RALGAPA1: variants seen among roughly 807,000 people sequenced by gnomAD.
RALGAPA1 encodes the protein Ral GTPase activating protein catalytic subunit alpha 1.
A neutral mutation model predicts 269.6 loss-of-function variants in RALGAPA1; 52 were observed. The ratio of observed to expected loss-of-function variants is 0.19; its 90% CI spans 0.15 to 0.24. The LOEUF (loss-of-function observed/expected upper bound fraction) is 0.24, where lower values mean the gene tolerates loss of function less well. Among genes scored for constraint, RALGAPA1 ranks in the 10% least tolerant of loss-of-function variants. The probability of loss-of-function intolerance (pLI) is 1.00; values close to 1 mark genes in which losing one functional copy is unlikely to be tolerated. For missense variants in RALGAPA1, 1,917 were observed against 3,013.9 expected, an observed-to-expected ratio of 0.64 and a Z score of 8.52; for synonymous variants, 817 against 1,008.3, an observed-to-expected ratio of 0.81 and a Z score of 3.60.
chr14:35,770,527 T>C (rs545545848), intron 4 of RALGAPA1, among the ~76,000 whole-genome samples: 1 of 151,884 alleles, frequency 6.6e-6, no homozygotes, highest in African/African-American at 2.4e-5. Flanking sequence ...CAAAGGAATA[T>C]ACAATAAAAC....
intron 37 of RALGAPA1, among the ~76,000 whole-genome samples, chr14:35,575,677 CT>C (rs1437808097): frequency 2.6e-5 from 4 of 152,178 alleles, no homozygotes; most frequent in Non-Finnish European, 5.9e-5. Flanking sequence ...TCACTGCAAC[CT>C]CCGCCTCCCA....
At chr14:35,749,039 C>T (rs539790068) in intron 9 of RALGAPA1, among the ~76,000 whole-genome samples, 6 of 152,118 alleles carry the variant, frequency 3.9e-5, no homozygotes, top group African/African-American at 1.2e-4. Flanking sequence ...ACAGATACTC[C>T]AAAATGTGTG....
intron 37 of RALGAPA1, among the ~76,000 whole-genome samples, chr14:35,578,879 G>A (rs1358297526): frequency 6.6e-6 from 1 of 152,190 alleles, no homozygotes; most frequent in Admixed American, 6.5e-5. Flanking sequence ...TGGAGATACA[G>A]CAGTAAGCAA....
At chr14:35,598,969 A>T (rs1013810352) in intron 36 of RALGAPA1, among the ~76,000 whole-genome samples, 1 of 151,928 alleles carries the variant, frequency 6.6e-6, no homozygotes, top group Non-Finnish European at 1.5e-5. Context: ...TTTAACTATC[A>T]TTCTTTTGAG....
At chr14:35,644,887 A>G (rs1274706656) in intron 31 of RALGAPA1, among the ~76,000 whole-genome samples, 1 of 152,234 alleles carries the variant, frequency 6.6e-6, no homozygotes, top group African/African-American at 2.4e-5. Flanking sequence ...CACATTCTGC[A>G]CATGTATCCT....
chr14:35,769,049 T>TATAC (rs1390655018), intron 4 of RALGAPA1, among the ~76,000 whole-genome samples: 2 of 106,358 alleles, frequency 1.9e-5, no homozygotes, highest in Non-Finnish European at 3.6e-5. Flanking sequence ...TATATATATA[T>TATAC]ATATATATAT....
In RALGAPA1 at chr14:35,664,779, AT is replaced by A; in HGVS notation, c.5203-13del. 6.2e-7 allele frequency: 1 copy of A among 1,600,858 alleles called. No homozygotes were observed. Among genetic ancestry groups the A allele is most frequent in the South Asian group, 1.1e-5 (1 of 87,908 alleles). The stretch of plus-strand genomic sequence containing the variant: ...TCTACTCTTGGTGCCTATGTATCAC[AT>A]TTTTAAAAAGTTTAAAAATATATTG... On this transcript the variant is annotated splice_polypyrimidine_tract_variant and intron_variant, in intron 26 of 41. Coordinates refer to ENST00000680220, the MANE Select transcript of RALGAPA1 (RefSeq NM_001346249.2).
At chr14:35,555,460 C>T (rs1326946842) in intron 39 of RALGAPA1, among the ~76,000 whole-genome samples, 1 of 152,126 alleles carries the variant, frequency 6.6e-6, no homozygotes, top group African/African-American at 2.4e-5. Flanking sequence ...AATTTCAAAT[C>T]ATTTTAGGCA....
At chr14:35,706,342 T>C (rs1420227565) in intron 16 of RALGAPA1, among the ~76,000 whole-genome samples, 1 of 152,210 alleles carries the variant, frequency 6.6e-6, no homozygotes, top group East Asian at 1.9e-4. Context: ...CATCTTTTTT[T>C]GGCATGTGGA....
rs115144660 is a variant in RALGAPA1 at position 35,557,556 on chromosome 14, T to C, written c.7497-8322A>G. ...TGCACTATATGCCCCCAGGGAATGA[T>C]AGGCATAGACACTGGACTTTAACAT... On this transcript the variant is annotated intron_variant, in intron 39 of 41. Coordinates refer to ENST00000680220, the MANE Select transcript of RALGAPA1 (RefSeq NM_001346249.2). 1.3e-3 allele frequency among the ~76,000 whole-genome samples: 192 copies of C among 152,292 alleles called. 1 individual carries two copies. The highest frequency in any genetic ancestry group is 4.5e-3 in the African/African-American group (186 of 41,576).
chr14:35,627,832 C>T lies in RALGAPA1; in HGVS notation c.6115G>A (p.Val2039Met). The T allele has an allele frequency of 6.3e-7, 1 of 1,591,690 alleles. No individual in the cohort carries two copies. Among genetic ancestry groups the T allele is most frequent in the Non-Finnish European group, 8.6e-7 (1 of 1,164,330 alleles). Residue 2039 changes from valine (V) to methionine (M), a missense_variant, in exon 34 of 42, where the codon GTG (valine) becomes ATG (methionine). Coordinates refer to ENST00000680220, the MANE Select transcript of RALGAPA1 (RefSeq NM_001346249.2). Reference sequence around the variant, plus strand: ...TAATGATTGTCGTGATTTTCACACACCTGACTTGTTAGCATAGCAGGACCA... The same window carrying T: ...TAATGATTGTCGTGATTTTCACACATCTGACTTGTTAGCATAGCAGGACCA... ...SGGPAMLTSQ[V>M]CENHDNHYSE...
intron 37 of RALGAPA1, among the ~76,000 whole-genome samples, chr14:35,584,948 AG>A (rs2058184488): frequency 6.6e-6 from 1 of 152,202 alleles, no homozygotes; most frequent in Non-Finnish European, 1.5e-5. Context: ...TCTACAAGAA[AG>A]CCACTATAAA....
chr14:35,758,243 CAAAAAAAAAAAAA>C lies in RALGAPA1; in HGVS notation c.548-1348_548-1336del, dbSNP rs66473514. Among the ~76,000 whole-genome samples, 3 of 49,730 alleles carry C rather than the reference CAAAAAAAAAAAAA, an allele frequency of 6.0e-5. No homozygotes were observed. The East Asian group carries it at 1.5e-3, about 25-fold the overall frequency. The allele number at this position is 49,730 out of a possible 152,430, so 32.6% of individuals were successfully genotyped here. A position where few individuals can be genotyped will look rare whatever the true frequency, so the allele number is the denominator to read the frequency against. On this transcript the variant is annotated intron_variant, in intron 6 of 41. Coordinates refer to ENST00000680220, the MANE Select transcript of RALGAPA1 (RefSeq NM_001346249.2). Reference sequence around the variant, plus strand: ...TGGGCGACAGAGCAAGACTCTGTCTCAAAAAAAAAAAAAAAAAAAAAAACAAACCGAAAAGAAA... The same window carrying C: ...TGGGCGACAGAGCAAGACTCTGTCTCAAAAAAAAAACAAACCGAAAAGAAA...
At chr14:35,623,025 T>C (rs879884786) in intron 35 of RALGAPA1, among the ~76,000 whole-genome samples, 14 of 145,566 alleles carry the variant, frequency 9.6e-5, no homozygotes, top group Non-Finnish European at 1.6e-4. Flanking sequence ...GAGACTGCAG[T>C]GAGCTGAAGT....
intron 16 of RALGAPA1, among the ~76,000 whole-genome samples, chr14:35,705,668 G>C (rs2067740994): frequency 6.6e-6 from 1 of 152,132 alleles, no homozygotes; most frequent in East Asian, 1.9e-4. Context: ...AACTAATATA[G>C]GTAAATACAA....
At chr14:35,743,828 G>A (rs933077726) in intron 10 of RALGAPA1, among the ~76,000 whole-genome samples, 2 of 151,984 alleles carry the variant, frequency 1.3e-5, no homozygotes, top group African/African-American at 4.8e-5. Flanking sequence ...AAGTTCTATA[G>A]TTTAACAATA....
chr14:35,773,862 G>A (rs2074816930), intron 3 of RALGAPA1, among the ~76,000 whole-genome samples: 1 of 151,926 alleles, frequency 6.6e-6, no homozygotes, highest in South Asian at 2.1e-4. Context: ...ACATATAAAT[G>A]AGGTTGTTCA....
intron 1 of RALGAPA1, among the ~76,000 whole-genome samples, 155 bp from the exon 2 acceptor site, chr14:35,775,900 C>A (rs1281207529): frequency 6.6e-6 from 1 of 152,090 alleles, no homozygotes; most frequent in Non-Finnish European, 1.5e-5. Flanking sequence ...TCTATATCCT[C>A]GTTCTTAAAA....
intron 1 of RALGAPA1, among the ~76,000 whole-genome samples, chr14:35,799,423 G>C (rs28864732): frequency 6.6e-6 from 1 of 151,956 alleles, no homozygotes; most frequent in South Asian, 2.1e-4. Context: ...TAAGCTGGGC[G>C]TGGCAATGCG....
Sources: allele counts gnomAD v4.1 joint callset (sites outside exome capture counted in the v4.1 genomes callset), GRCh38; gene constraint gnomAD v4.1.1; transcripts MANE v1.5; gene names NCBI Gene and HGNC (gene_info 2026-07-23, HGNC 2026-07-21).